The following SPSB4 variants were observed in gnomAD, a reference collection of about 807,000 sequenced individuals.
The protein encoded by SPSB4 is SPRY domain-containing SOCS box protein 4.
Under a neutral mutation model 20.9 loss-of-function variants are expected in SPSB4, and 21 were observed. That is an observed-to-expected ratio of 1.01 (90% confidence interval 0.71 to 1.45). SPSB4 has a LOEUF of 1.45. Ranked by LOEUF, SPSB4 falls within the 40% of genes most tolerant of loss-of-function variation. The pLI, the probability that SPSB4 is intolerant of heterozygous loss-of-function variation, is 0.00. For synonymous variants in SPSB4, 207 were observed against 183.8 expected (o/e 1.13, Z -1.02); for missense variants, 399 against 399.2 (o/e 1.00, Z 0.00).
At chr3:141,133,554 T>C (rs901560650) in intron 2 of SPSB4, among the ~76,000 whole-genome samples, 27 of 152,134 alleles carry the variant, frequency 1.8e-4, no homozygotes, top group African/African-American at 6.0e-4. Context: ...GTTGTCCTTT[T>C]CCCACTTTAT....
chr3:141,126,676 C>T (rs144873736), intron 2 of SPSB4, among the ~76,000 whole-genome samples: 84 of 152,324 alleles, frequency 5.5e-4, no homozygotes, highest in Non-Finnish European at 8.8e-4. Flanking sequence ...ATGCTTTAAT[C>T]CTTTCCGTAG....
intron 2 of SPSB4, among the ~76,000 whole-genome samples, chr3:141,126,164 G>A (rs1290196187): frequency 6.6e-6 from 1 of 152,166 alleles, no homozygotes; most frequent in Non-Finnish European, 1.5e-5. Flanking sequence ...AGTGGCCTCA[G>A]ACAGGAAAGA....
chr3:141,091,163 A>C (rs899257804), intron 2 of SPSB4, among the ~76,000 whole-genome samples: 5 of 152,228 alleles, frequency 3.3e-5, no homozygotes, highest in Non-Finnish European at 5.9e-5. Flanking sequence ...GAGGTCAAGC[A>C]TACAGATTTT....
intron 2 of SPSB4, among the ~76,000 whole-genome samples, chr3:141,111,958 G>A (rs750666449): frequency 5.3e-5 from 8 of 152,104 alleles, no homozygotes; most frequent in East Asian, 1.9e-4. Context: ...GCAGCTTCCC[G>A]TCTCTCCGCT....
Position 141,137,945 on chromosome 3 carries a change from C to T in SPSB4, c.695-9197C>T, listed in dbSNP as rs553677139. On this transcript the variant is annotated intron_variant, in intron 2 of 2. Transcript: ENST00000310546. ...TCCTTGTACCTCTGGTAGAATTCGG[C>T]TGTGAATCCATCTGGTCCTGGACTT... 2.0e-5 allele frequency among the ~76,000 whole-genome samples: 3 copies of T among 152,208 alleles called. No individual in the cohort carries two copies. The East Asian group carries it at 5.8e-4, about 29-fold the overall frequency.
Position 141,126,941 on chromosome 3 carries a change from C to T in SPSB4, c.695-20201C>T, listed in dbSNP as rs547475822. Among the ~76,000 whole-genome samples, 3 of 152,380 alleles carry T rather than the reference C, an allele frequency of 2.0e-5. No individual in the cohort carries two copies. In the East Asian group the frequency reaches 5.8e-4, roughly 29 times the overall value. The stretch of plus-strand genomic sequence containing the variant: ...TCCAATACAGCCCCCCATGCCCCAG[C>T]CCGGGCTCTCAAAGGCTGGGCAAGG... On this transcript the variant is annotated intron_variant, in intron 2 of 2. Coordinates refer to ENST00000310546, the MANE Select transcript of SPSB4 (RefSeq NM_080862.3).
chr3:141,132,226 G>T, intron 2 of SPSB4: 1 of 427,274 alleles, frequency 2.3e-6, no homozygotes, highest in Admixed American at 2.6e-5. Flanking sequence ...AAAGTGCAGT[G>T]GCACGATCTC....
chr3:141,087,595 AGT>A (rs1938369811), intron 2 of SPSB4, among the ~76,000 whole-genome samples: 1 of 152,144 alleles, frequency 6.6e-6, no homozygotes, highest in Admixed American at 6.5e-5. Flanking sequence ...AGTCCTGGGA[AGT>A]GTGTGTGATG....
rs1286644419 is a variant in SPSB4 at position 141,123,491 on chromosome 3, CCA to C, written c.695-23649_695-23648del. 7.9e-5 allele frequency among the ~76,000 whole-genome samples: 12 copies of C among 152,316 alleles called. No homozygotes were observed. In the East Asian group the frequency reaches 1.5e-3, roughly 20 times the overall value. On this transcript the variant is annotated intron_variant, in intron 2 of 2. Transcript: ENST00000310546. ...TAAATTACTTACTCCTATGCCAGTA[CCA>C]CTCAATGTCATTGCTACAGTGTTAA...
chr3:141,088,082 G>A (rs1163240176), intron 2 of SPSB4, among the ~76,000 whole-genome samples: 1 of 152,048 alleles, frequency 6.6e-6, no homozygotes, highest in Non-Finnish European at 1.5e-5. Flanking sequence ...ATGGCCCAAG[G>A]GGGTCTCTCT....
At chr3:141,094,762 G>GCCCGCCT (rs1938517195) in intron 2 of SPSB4, among the ~76,000 whole-genome samples, 1 of 130,234 alleles carries the variant, frequency 7.7e-6, no homozygotes, top group Non-Finnish European at 1.7e-5. Flanking sequence ...CTTGTGCCCT[G>GCCCGCCT]CCCGCCCCCC....
chr3:141,087,313 G>T (rs2107789594), intron 2 of SPSB4, among the ~76,000 whole-genome samples: 1 of 152,326 alleles, frequency 6.6e-6, no homozygotes, highest in Non-Finnish European at 1.5e-5. Flanking sequence ...GGCAGTGGGA[G>T]CTGTGTGACA....
chr3:141,066,328 T>C lies in SPSB4; in HGVS notation c.224T>C (p.Phe75Ser). Residue 75 changes from phenylalanine (F) to serine (S), a missense_variant, in exon 2 of 3, where the codon TTC becomes TCC. By Grantham distance (155) the Phe-to-Ser change is radical. Coordinates refer to ENST00000310546, the MANE Select transcript of SPSB4 (RefSeq NM_080862.3). ...VFVKDDDRLT[F>S]HRHPVAQSTD... Reference sequence around the variant, plus strand: ...GTCAAGGACGACGACCGGCTCACCTTCCACCGGCACCCCGTGGCCCAGAGC... The same window carrying C: ...GTCAAGGACGACGACCGGCTCACCTCCCACCGGCACCCCGTGGCCCAGAGC... 6.4e-7 allele frequency: 1 copy of C among 1,570,076 alleles called. No individual in the cohort carries two copies. The highest frequency in any genetic ancestry group is 8.6e-7 in the Non-Finnish European group (1 of 1,159,646).
chr3:141,083,777 G>A (rs578072195), intron 2 of SPSB4, among the ~76,000 whole-genome samples: 1 of 152,182 alleles, frequency 6.6e-6, no homozygotes, highest in Admixed American at 6.5e-5. Context: ...GCACATTTGC[G>A]GTGGTGAAGG....
At chr3:141,063,600 C>T (rs1346090131) in intron 1 of SPSB4, among the ~76,000 whole-genome samples, 1 of 152,178 alleles carries the variant, frequency 6.6e-6, no homozygotes, top group Non-Finnish European at 1.5e-5. Flanking sequence ...AATAATCAAT[C>T]ACAAAATTAG....
At chr3:141,113,821 C>T (rs559750970) in intron 2 of SPSB4, among the ~76,000 whole-genome samples, 3 of 152,258 alleles carry the variant, frequency 2.0e-5, no homozygotes, top group African/African-American at 4.8e-5. Flanking sequence ...TTTGGCCGAG[C>T]GTGGTGGCTC....
intron 2 of SPSB4, among the ~76,000 whole-genome samples, chr3:141,074,001 ATT>A (rs1179355309): frequency 6.6e-6 from 1 of 152,220 alleles, no homozygotes; most frequent in Non-Finnish European, 1.5e-5. Context: ...AGGTTTTCAT[ATT>A]AACATAGTCA....
chr3:141,098,370 G>T (rs1938573641), intron 2 of SPSB4, among the ~76,000 whole-genome samples: 1 of 152,058 alleles, frequency 6.6e-6, no homozygotes, highest in African/African-American at 2.4e-5. Context: ...TTATTTTAAT[G>T]GATAAATGAT....
intron 1 of SPSB4, among the ~76,000 whole-genome samples, chr3:141,063,850 A>T (rs913975638): frequency 6.6e-6 from 1 of 152,246 alleles, no homozygotes; most frequent in East Asian, 1.9e-4. Flanking sequence ...GTTCCCAGGA[A>T]CTTTGTTCAC....
Sources: gnomAD v4.1 joint callset for allele counts (sites outside exome capture counted in the v4.1 genomes callset) on GRCh38, gnomAD v4.1.1 for gene constraint, MANE v1.5 for transcripts, NCBI Gene and HGNC (gene_info 2026-07-23, HGNC 2026-07-21) for gene names.